ADAMTSL1: variants seen among roughly 807,000 people sequenced by gnomAD.
ADAMTSL1 encodes the protein ADAMTS like 1, also known as ADAMTS-like protein 1.
ADAMTSL1 carries 126 observed loss-of-function variants against 201.8 expected under a neutral mutation model. The observed-to-expected ratio is 0.62, with a 90% CI of 0.54 to 0.72. The LOEUF (loss-of-function observed/expected upper bound fraction) is 0.72. ADAMTSL1 is among the 30% of genes least tolerant of loss of function. The pLI is 0.00. For synonymous variants in ADAMTSL1, 1,121 were observed against 903.4 expected, an observed-to-expected ratio of 1.24 and a Z score of -4.32; for missense variants, 2,679 against 2,277.8, an observed-to-expected ratio of 1.18 and a Z score of -3.59.
chr9:18,149,844 G>C (rs1015589221), intron 1 of ADAMTSL1, among the ~76,000 whole-genome samples: 2 of 152,024 alleles, frequency 1.3e-5, no homozygotes, highest in Non-Finnish European at 2.9e-5. Flanking sequence ...CAGTCAAGTA[G>C]AAAAGATATT....
chr9:18,341,302 A>G (rs971309962), intron 2 of ADAMTSL1, among the ~76,000 whole-genome samples: 1 of 151,984 alleles, frequency 6.6e-6, no homozygotes, highest in African/African-American at 2.4e-5. Flanking sequence ...TGAAAGTTTC[A>G]TGCTGTTTCT....
At chr9:18,410,424 G>A (rs767984930) in intron 2 of ADAMTSL1, among the ~76,000 whole-genome samples, 4 of 152,050 alleles carry the variant, frequency 2.6e-5, no homozygotes, top group Admixed American at 6.6e-5. Flanking sequence ...TCCGCCATGT[G>A]TCCATGTATT....
chr9:18,320,674 A>G (rs1456797711), intron 2 of ADAMTSL1, among the ~76,000 whole-genome samples: 1 of 152,212 alleles, frequency 6.6e-6, no homozygotes, highest in African/African-American at 2.4e-5. Flanking sequence ...TGAGGTGTAT[A>G]AATGTATGGG....
Position 18,442,273 on chromosome 9 carries a change from C to T in ADAMTSL1, c.208-62556C>T, listed in dbSNP as rs571599982. The stretch of plus-strand genomic sequence containing the variant: ...TGTATATTTTTATCTACATAGCAGA[C>T]TCCAATCTTCTATTTTCCTGTAGTG... On this transcript the variant is annotated intron_variant, in intron 2 of 29. Coordinates refer to the ADAMTSL1 transcript ENST00000680146. 5.9e-5 allele frequency among the ~76,000 whole-genome samples: 9 copies of T among 152,288 alleles called. No homozygotes were observed. In the South Asian group the frequency reaches 1.7e-3, roughly 28 times the overall value.
chr9:18,647,565 C>G (rs1827901536), intron 7 of ADAMTSL1, among the ~76,000 whole-genome samples: 1 of 151,818 alleles, frequency 6.6e-6, no homozygotes, highest in Non-Finnish European at 1.5e-5. Context: ...TGAATGTGTC[C>G]CAGAGAGTCT....
intron 2 of ADAMTSL1, among the ~76,000 whole-genome samples, chr9:18,260,487 T>C (rs1241813558): frequency 6.6e-6 from 1 of 152,240 alleles, no homozygotes; most frequent in African/African-American, 2.4e-5. Context: ...TGTTGTCCAT[T>C]GTTGGGCTAC....
intron 7 of ADAMTSL1, among the ~76,000 whole-genome samples, chr9:18,653,077 A>C (rs1828396455): frequency 6.6e-6 from 1 of 152,222 alleles, no homozygotes; most frequent in Admixed American, 6.5e-5. Context: ...GATAGATGCC[A>C]AGCGTTTAGA....
At chr9:18,399,291 A>ATG (rs1380475908) in intron 2 of ADAMTSL1, among the ~76,000 whole-genome samples, 2 of 89,760 alleles carry the variant, frequency 2.2e-5, no homozygotes, top group African/African-American at 5.0e-5. Context: ...ATATATATAT[A>ATG]TATATATATA....
intron 26 of ADAMTSL1, among the ~76,000 whole-genome samples, chr9:18,898,067 T>C (rs1829766625): frequency 6.6e-6 from 1 of 150,704 alleles, no homozygotes; most frequent in East Asian, 1.9e-4. Flanking sequence ...CGGGCACCTG[T>C]AGCCCCAACT....
chr9:18,483,438 T>C (rs1323465091), intron 1 of ADAMTSL1, among the ~76,000 whole-genome samples: 4 of 152,178 alleles, frequency 2.6e-5, no homozygotes, highest in Non-Finnish European at 4.4e-5. Context: ...ACAGCCATCA[T>C]GCTGGCTTTG....
intron 1 of ADAMTSL1, among the ~76,000 whole-genome samples, chr9:18,118,518 G>T (rs1027066041): frequency 1.3e-5 from 2 of 152,152 alleles, no homozygotes; most frequent in African/African-American, 4.8e-5. Flanking sequence ...TGATCTGATT[G>T]GTATGCTCAC....
chr9:18,151,025 G>A (rs190909737), intron 1 of ADAMTSL1, among the ~76,000 whole-genome samples: 52 of 152,132 alleles, frequency 3.4e-4, no homozygotes, highest in Non-Finnish European at 5.1e-4. Flanking sequence ...TGCAGTGGAT[G>A]TGGGCAACAT....
At chr9:17,929,399 C>A (rs1009321188) in intron 1 of ADAMTSL1, among the ~76,000 whole-genome samples, 1 of 146,574 alleles carries the variant, frequency 6.8e-6, no homozygotes, top group African/African-American at 2.4e-5. Context: ...CAATTTTTCA[C>A]CCCTTTGGGG....
At chr9:18,572,832 G>A (rs1822425215) in intron 3 of ADAMTSL1, among the ~76,000 whole-genome samples, 2 of 152,164 alleles carry the variant, frequency 1.3e-5, no homozygotes, top group South Asian at 2.1e-4. Context: ...GGGAACTGCT[G>A]AAGGCTACAT....
chr9:18,717,112 C>T (rs1297933869), intron 14 of ADAMTSL1, among the ~76,000 whole-genome samples: 1 of 148,984 alleles, frequency 6.7e-6, no homozygotes, highest in African/African-American at 2.5e-5. Context: ...GGAGGGATAG[C>T]ATTGGGAGAT....
intron 1 of ADAMTSL1, among the ~76,000 whole-genome samples, chr9:18,125,410 G>A (rs1003469832): frequency 6.6e-6 from 1 of 151,890 alleles, no homozygotes; most frequent in Non-Finnish European, 1.5e-5. Context: ...ATTTGGGTAG[G>A]GACACACCCA....
intron 2 of ADAMTSL1, among the ~76,000 whole-genome samples, chr9:18,465,680 G>C (rs561431487): frequency 1.3e-5 from 2 of 152,320 alleles, no homozygotes; most frequent in Non-Finnish European, 2.9e-5. Context: ...ATGTATGTTT[G>C]TACCAAAGCA....
intron 2 of ADAMTSL1, among the ~76,000 whole-genome samples, chr9:18,346,218 C>A (rs1835708128): frequency 6.6e-6 from 1 of 152,150 alleles, no homozygotes; most frequent in South Asian, 2.1e-4. Flanking sequence ...GTGTTACCCC[C>A]ACTTTGTAGG....
chr9:18,823,951 C>G (rs1230118239), intron 21 of ADAMTSL1, among the ~76,000 whole-genome samples: 1 of 151,666 alleles, frequency 6.6e-6, no homozygotes, highest in African/African-American at 2.4e-5. Context: ...GATCATGCCA[C>G]TGCACTCCAG....
Sources: gnomAD v4.1 joint callset for allele counts (sites outside exome capture counted in the v4.1 genomes callset) on GRCh38, gnomAD v4.1.1 for gene constraint, MANE v1.5 for transcripts, NCBI Gene and HGNC (gene_info 2026-07-23, HGNC 2026-07-21) for gene names.